FAM107B: variants seen among roughly 807,000 people sequenced by gnomAD.
FAM107B encodes the protein protein FAM107B.
In FAM107B, 21 loss-of-function variants were observed where a neutral mutation model predicts 31.5. The ratio of observed to expected loss-of-function variants is 0.67; its 90% confidence interval spans 0.47 to 0.96. The LOEUF (loss-of-function observed/expected upper bound fraction) is 0.96, where lower values mean the gene tolerates loss of function less well. Ranked by LOEUF, FAM107B falls within the 40% of genes least tolerant of loss-of-function variation. The pLI is 0.00. For synonymous variants in FAM107B, 157 were observed against 141.5 expected, an observed-to-expected ratio of 1.11 and a Z score of -0.78; for missense variants, 452 against 377.1, an observed-to-expected ratio of 1.20 and a Z score of -1.64.
At chr10:14,635,173 C>T (rs915811456) in intron 2 of FAM107B, among the ~76,000 whole-genome samples, 3 of 151,092 alleles carry the variant, frequency 2.0e-5, no homozygotes, top group Non-Finnish European at 4.4e-5. Context: ...AAGAAACAAA[C>T]CTCAGTTTTT....
intron 2 of FAM107B, chr10:14,542,649 G>T (rs914789408): frequency 6.6e-6 from 1 of 152,128 alleles, no homozygotes; most frequent in African/African-American, 2.4e-5. Context: ...GTCAACCCAC[G>T]CTTTGAACAA....
At chr10:14,619,251 C>A (rs886727324) in intron 2 of FAM107B, among the ~76,000 whole-genome samples, 10 of 152,150 alleles carry the variant, frequency 6.6e-5, no homozygotes, top group African/African-American at 2.2e-4. Flanking sequence ...TACGGTCAGT[C>A]GGTGTACATT....
chr10:14,613,171 C>T (rs1804600308), intron 2 of FAM107B, among the ~76,000 whole-genome samples: 1 of 152,084 alleles, frequency 6.6e-6, no homozygotes, highest in African/African-American at 2.4e-5. Context: ...AAGGTTTCAC[C>T]ACGTTGGCCA....
intron 1 of FAM107B, among the ~76,000 whole-genome samples, chr10:14,737,762 C>A (rs566267917): frequency 2.3e-5 from 3 of 130,046 alleles, no homozygotes; most frequent in Non-Finnish European, 4.9e-5. Context: ...TGTGCGTGCA[C>A]GCTTTCTCTC....
At chr10:14,698,813 C>T (rs1855327414) in intron 1 of FAM107B, among the ~76,000 whole-genome samples, 2 of 152,158 alleles carry the variant, frequency 1.3e-5, no homozygotes, top group African/African-American at 4.8e-5. Context: ...GCACAAATAA[C>T]TTGTTTGGAG....
chr10:14,576,230 T>TA (rs930976345), intron 2 of FAM107B, among the ~76,000 whole-genome samples: 1 of 152,186 alleles, frequency 6.6e-6, no homozygotes, highest in Admixed American at 6.5e-5. Flanking sequence ...CACGATTTTT[T>TA]AAAAAGCCAC....
At chr10:14,768,176 A>G (rs1483465708) in intron 1 of FAM107B, among the ~76,000 whole-genome samples, 1 of 152,234 alleles carries the variant, frequency 6.6e-6, no homozygotes, top group East Asian at 1.9e-4. Context: ...TAAATGGAAA[A>G]TATCTTGTGT....
At chr10:14,607,473 A>G (rs1852623985) in intron 2 of FAM107B, among the ~76,000 whole-genome samples, 1 of 152,164 alleles carries the variant, frequency 6.6e-6, no homozygotes, top group African/African-American at 2.4e-5. Context: ...CTATGGTGAT[A>G]TTTCCATTTG....
intron 2 of FAM107B, among the ~76,000 whole-genome samples, chr10:14,544,347 C>G (rs1848510920): frequency 6.6e-6 from 1 of 152,212 alleles, no homozygotes; most frequent in Non-Finnish European, 1.5e-5. Context: ...TAATTCAAGT[C>G]TGAATCCCAG....
intron 2 of FAM107B, among the ~76,000 whole-genome samples, chr10:14,548,144 T>C (rs1848883692): frequency 6.6e-6 from 1 of 152,202 alleles, no homozygotes; most frequent in African/African-American, 2.4e-5. Flanking sequence ...GTTAACCTGG[T>C]TGGCTGAACC....
intron 1 of FAM107B, among the ~76,000 whole-genome samples, chr10:14,771,230 G>C (rs1237813611): frequency 6.6e-6 from 1 of 152,192 alleles, no homozygotes; most frequent in Non-Finnish European, 1.5e-5. Context: ...CAGCGGCAAA[G>C]CTTTGTCACT....
chr10:14,626,305 C>T (rs1853159511), intron 2 of FAM107B, among the ~76,000 whole-genome samples: 1 of 152,084 alleles, frequency 6.6e-6, no homozygotes, highest in African/African-American at 2.4e-5. Flanking sequence ...AAAAACAATG[C>T]TGGTCTATAT....
At chr10:14,643,240 T>C (rs775858305) in intron 2 of FAM107B, among the ~76,000 whole-genome samples, 10 of 151,928 alleles carry the variant, frequency 6.6e-5, no homozygotes, top group Non-Finnish European at 1.5e-5. Context: ...ATAATTTCAG[T>C]TCAAAAGCTG....
At chr10:14,654,303 A>T (rs1853982580) in intron 2 of FAM107B, among the ~76,000 whole-genome samples, 1 of 152,228 alleles carries the variant, frequency 6.6e-6, no homozygotes, top group South Asian at 2.1e-4. Context: ...ATCAGTCATA[A>T]GCAGTTGAAA....
At chr10:14,688,810 C>G (rs938801181) in intron 1 of FAM107B, among the ~76,000 whole-genome samples, 7 of 152,198 alleles carry the variant, frequency 4.6e-5, no homozygotes, top group African/African-American at 1.7e-4. Flanking sequence ...CTTCCCACAG[C>G]TGCTGCTAAC....
chr10:14,588,759 T>C (rs113136546), intron 2 of FAM107B, among the ~76,000 whole-genome samples: 2,086 of 152,122 alleles, frequency 0.014, 58 homozygotes, highest in African/African-American at 0.046. Context: ...CTTTATGAAA[T>C]CTCAGCTTCA....
chr10:14,705,352 G>T (rs1295566764), intron 1 of FAM107B, among the ~76,000 whole-genome samples: 1 of 152,120 alleles, frequency 6.6e-6, no homozygotes, highest in African/African-American at 2.4e-5. Context: ...CCAGCAATTA[G>T]ACTTCTGCAT....
intron 1 of FAM107B, among the ~76,000 whole-genome samples, chr10:14,681,868 C>T (rs762636365): frequency 2.0e-5 from 3 of 152,202 alleles, no homozygotes; most frequent in South Asian, 2.1e-4. Flanking sequence ...GCTTTAACAA[C>T]GGAGAGGCAT....
intron 1 of FAM107B, among the ~76,000 whole-genome samples, chr10:14,705,036 A>T (rs2131529309): frequency 6.6e-6 from 1 of 151,630 alleles, no homozygotes; most frequent in African/African-American, 2.4e-5. Flanking sequence ...AAAAAAAAAA[A>T]AAAAAAATAG....
Sources: gnomAD v4.1 joint callset for allele counts (sites outside exome capture counted in the v4.1 genomes callset) on GRCh38, gnomAD v4.1.1 for gene constraint, MANE v1.5 for transcripts, NCBI Gene and HGNC (gene_info 2026-07-23, HGNC 2026-07-21) for gene names.